MROH2A: variants seen among roughly 807,000 people sequenced by gnomAD.
MROH2A encodes maestro heat-like repeat-containing protein family member 2A.
In MROH2A, 174 loss-of-function variants were observed where a neutral mutation model predicts 200.4. The ratio of observed to expected loss-of-function variants is 0.87; its 90% CI spans 0.77 to 0.98. MROH2A has a LOEUF of 0.98. MROH2A is among the 50% of genes least tolerant of loss of function. MROH2A has a pLI of 0.00. For missense variants in MROH2A, 2,045 were observed against 2,139.6 expected, an observed-to-expected ratio of 0.96 and a Z score of 0.87; for synonymous variants, 829 against 840.4, an observed-to-expected ratio of 0.99 and a Z score of 0.23.
At position 233,779,655 on chromosome 2, in the gene MROH2A, G is replaced by A; in HGVS notation, c.95-16G>A. ...GTCATTTCCACACTGCACCTGGGTG[G>A]CGTTTGTTTTCATAGGTACCTTTCA... On this transcript the variant is annotated splice_polypyrimidine_tract_variant and intron_variant, in intron 2 of 41. Transcript: ENST00000389758. 6.5e-7 allele frequency: 1 copy of A among 1,549,950 alleles called. No individual in the cohort carries two copies. The highest frequency in any genetic ancestry group is 8.7e-7 in the Non-Finnish European group (1 of 1,146,536).
At chr2:233,790,195 G>T (rs1231130329) in intron 5 of MROH2A, among the ~76,000 whole-genome samples, 181 bp downstream of exon 5, 1 of 151,968 alleles carries the variant, frequency 6.6e-6, no homozygotes, top group African/African-American at 2.4e-5. Flanking sequence ...TTAAGATTCT[G>T]TGTGTTCTGT....
intron 40 of MROH2A, 107 bp downstream of exon 40, chr2:233,832,386 T>C: frequency 9.5e-7 from 1 of 1,051,168 alleles, no homozygotes; most frequent in Non-Finnish European, 1.4e-6. Flanking sequence ...TGTGGCAAGC[T>C]GAGACCAGAG....
At chr2:233,793,238 G>A (rs1701896491) in intron 6 of MROH2A, among the ~76,000 whole-genome samples, 1 of 152,234 alleles carries the variant, frequency 6.6e-6, no homozygotes, top group South Asian at 2.1e-4. Context: ...ACGGCTCCAT[G>A]TGGAGCTTGA....
Position 233,779,627 on chromosome 2 carries a change from A to G in MROH2A, c.95-44A>G, listed in dbSNP as rs1247597754. The G allele has an allele frequency of 3.2e-6, 5 of 1,542,900 alleles. No individual in the cohort carries two copies. The African/African-American group carries it at 5.5e-5, about 17-fold the overall frequency. On this transcript the variant is annotated intron_variant, in intron 2 of 41. Coordinates refer to ENST00000389758, the MANE Select transcript of MROH2A (RefSeq NM_001394639.1). ...CAGGGACACAAGGGCACCTCCTGTC[A>G]TGGTCATTTCCACACTGCACCTGGG...
intron 6 of MROH2A, 85 bp downstream of exon 6, chr2:233,792,979 G>T: frequency 1.5e-6 from 2 of 1,326,446 alleles, no homozygotes; most frequent in Non-Finnish European, 2.1e-6. Flanking sequence ...TGGAGGGGTT[G>T]TTGAAAAAGA....
chr2:233,798,416 C>T (rs1248695634), intron 11 of MROH2A, among the ~76,000 whole-genome samples: 1 of 152,232 alleles, frequency 6.6e-6, no homozygotes, highest in Non-Finnish European at 1.5e-5. Flanking sequence ...AGGACCCATG[C>T]TCTTCACGGT....
intron 21 of MROH2A, among the ~76,000 whole-genome samples, chr2:233,808,211 A>C: frequency 6.6e-6 from 1 of 152,116 alleles, no homozygotes; most frequent in Non-Finnish European, 1.5e-5. Context: ...GAAGCTGTTC[A>C]GGTAGTGCTC....
chr2:233,795,595 A>G (rs564032713), intron 8 of MROH2A, 58 bp from the exon 9 acceptor site: 2 of 1,550,508 alleles, frequency 1.3e-6, no homozygotes, highest in East Asian at 2.4e-5. Context: ...GCGAGGGTCT[A>G]GAGTTTGACC....
Position 233,810,695 on chromosome 2 carries a change from C to A in MROH2A, c.2449-99C>A, listed in dbSNP as rs958302760. 9 of 1,449,104 alleles carry A rather than the reference C, an allele frequency of 6.2e-6. No homozygotes were observed. The Admixed American group carries it at 1.3e-4, about 21-fold the overall frequency. The allele number at this position is 1,449,104 out of a possible 1,614,324, so 89.8% of individuals were successfully genotyped here. A position where few individuals can be genotyped will look rare whatever the true frequency, so the allele number is the denominator to read the frequency against. ...CAGAGCATTCAACATTAAACGCTTT[C>A]TTCAGAGCAGAGGGAGTCCAGGAGC... On this transcript the variant is annotated intron_variant, in intron 22 of 41. Transcript: ENST00000389758.
At chr2:233,819,817 CT>C in intron 30 of MROH2A, 84 bp from the exon 31 acceptor site, 2 of 1,400,230 alleles carry the variant, frequency 1.4e-6, no homozygotes, top group African/African-American at 2.9e-5. Context: ...GGCCAGAGCC[CT>C]TAGAGCAGGG....
rs1701315628 is a variant in MROH2A at position 233,787,646 on chromosome 2, A to G, written c.277-1851A>G. 4.6e-5 allele frequency among the ~76,000 whole-genome samples: 2 copies of G among 43,860 alleles called. 1 individual carries two copies. The highest frequency in any genetic ancestry group is 2.4e-4 in the African/African-American group (2 of 8,208). The allele number at this position is 43,860 out of a possible 152,430, so 28.8% of individuals were successfully genotyped here. A position where few individuals can be genotyped will look rare whatever the true frequency, so the allele number is the denominator to read the frequency against. On this transcript the variant is annotated intron_variant, in intron 3 of 41. Coordinates refer to ENST00000389758, the MANE Select transcript of MROH2A (RefSeq NM_001394639.1). Reference sequence around the variant, plus strand: ...CATATATATTATATATATTATATATATCATATATACATATATATTATATAT... The same window carrying G: ...CATATATATTATATATATTATATATGTCATATATACATATATATTATATAT...
intron 25 of MROH2A, 63 bp downstream of exon 25, chr2:233,813,841 C>G: frequency 2.2e-6 from 2 of 897,942 alleles, no homozygotes; most frequent in Admixed American, 4.3e-5. Flanking sequence ...TTAACATGGG[C>G]CATGCTGAGA....
intron 1 of MROH2A, among the ~76,000 whole-genome samples, chr2:233,779,011 T>A (rs1700801339): frequency 6.6e-6 from 1 of 152,182 alleles, no homozygotes; most frequent in Non-Finnish European, 1.5e-5. Flanking sequence ...AGGCCCTCAG[T>A]TCCTTGCTAC....
rs986052366 is a variant in MROH2A, at chr2:233,818,790, C to T, written c.3204+20C>T. On this transcript the variant is annotated intron_variant, in intron 29 of 41. Transcript: ENST00000389758. ...GCCAAGGTGACAGCCGGGGAGCCTG[C>T]CTGGGCTGCCAGGCTGGTCTCAGGG... 1.0e-4 allele frequency: 151 copies of T among 1,467,696 alleles called. No homozygotes were observed. Among genetic ancestry groups the T allele is most frequent in the Non-Finnish European group, 1.3e-4 (142 of 1,074,698 alleles). 90.9% of individuals were successfully genotyped at this position (1,467,696 alleles called of 1,614,324 possible).
At chr2:233,803,018 C>T (rs1031851635) in intron 15 of MROH2A, among the ~76,000 whole-genome samples, 2 of 152,332 alleles carry the variant, frequency 1.3e-5, no homozygotes, top group East Asian at 3.9e-4. Flanking sequence ...TGCCCTTGTC[C>T]ATTTGTTTGT....
Position 233,807,669 on chromosome 2 carries a change from G to A in MROH2A, c.2173-64G>A, listed in dbSNP as rs933491039. ...ATGTGTGTGTGCCTTGCACGTGTGT[G>A]TGTGGGATCCTCCTCTGCCCACTGG... On this transcript the variant is annotated intron_variant, in intron 20 of 41. Coordinates refer to ENST00000389758, the MANE Select transcript of MROH2A (RefSeq NM_001394639.1). The surrounding 1 kb of genome is among the most constrained non-coding windows in gnomAD (Gnocchi z 4.3). 2 of 1,549,300 alleles carry A rather than the reference G, an allele frequency of 1.3e-6. No individual in the cohort carries two copies. Among genetic ancestry groups the A allele is most frequent in the Admixed American group, 2.0e-5 (1 of 50,976 alleles).
At chr2:233,790,113 A>G (rs1404335331) in intron 5 of MROH2A, 99 bp downstream of exon 5, 16 of 1,138,926 alleles carry the variant, frequency 1.4e-5, no homozygotes, top group Non-Finnish European at 1.8e-5. Context: ...TCTTCCTCTT[A>G]CCTTTCATTT....
chr2:233,795,784 G>C (rs1022980662), intron 9 of MROH2A, 39 bp downstream of exon 9: 22 of 1,550,758 alleles, frequency 1.4e-5, no homozygotes, highest in African/African-American at 1.2e-4. Flanking sequence ...GGCATTCTCT[G>C]GGTGGATCAG....
At chr2:233,787,726 C>T (rs59213587) in intron 3 of MROH2A, among the ~76,000 whole-genome samples, 8 of 34,518 alleles carry the variant, frequency 2.3e-4, no homozygotes, top group Admixed American at 5.7e-4. Context: ...TTATATATAT[C>T]ATATATACAT....
Sources: gnomAD v4.1 joint callset for allele counts (sites outside exome capture counted in the v4.1 genomes callset) on GRCh38, gnomAD v4.1.1 for gene constraint, Gnocchi (gnomAD v3.1) non-coding constraint, MANE v1.5 for transcripts, NCBI Gene and HGNC (gene_info 2026-07-23, HGNC 2026-07-21) for gene names.